SGCD: variants seen among roughly 807,000 people sequenced by gnomAD.
SGCD encodes sarcoglycan delta.
SGCD carries 18 observed loss-of-function variants against 36.6 expected under a neutral mutation model. The ratio of observed to expected loss-of-function variants is 0.49; its 90% CI spans 0.34 to 0.73. The LOEUF (loss-of-function observed/expected upper bound fraction) is 0.73. Among genes scored for constraint, SGCD ranks in the 30% least tolerant of loss-of-function variants. The probability of loss-of-function intolerance (pLI) is 0.01; values close to 1 mark genes in which losing one functional copy is unlikely to be tolerated. For synonymous variants in SGCD, 133 were observed against 130.6 expected, an observed-to-expected ratio of 1.02 and a Z score of -0.12; for missense variants, 387 against 346.7, an observed-to-expected ratio of 1.12 and a Z score of -0.92.
chr5:156,366,422 G>A (rs945534625), intron 3 of SGCD, among the ~76,000 whole-genome samples: 4 of 152,110 alleles, frequency 2.6e-5, no homozygotes, highest in Admixed American at 2.0e-4. Context: ...AAAATCAGGG[G>A]AAATCACCCA....
chr5:156,666,818 A>G (rs1410949693), intron 7 of SGCD, among the ~76,000 whole-genome samples: 1 of 152,090 alleles, frequency 6.6e-6, no homozygotes, highest in Non-Finnish European at 1.5e-5. Context: ...AACAAAATGG[A>G]GTCTCCTATG....
intron 1 of SGCD, among the ~76,000 whole-genome samples, chr5:156,099,179 C>CTT (rs771521858): frequency 7.2e-5 from 11 of 152,200 alleles, no homozygotes; most frequent in Non-Finnish European, 1.5e-4. Flanking sequence ...CTAGCCCCGT[C>CTT]TTTTTATCAC....
intron 1 of SGCD, among the ~76,000 whole-genome samples, chr5:155,910,614 T>C (rs1300654092): frequency 1.3e-5 from 2 of 152,000 alleles, no homozygotes; most frequent in African/African-American, 4.8e-5. Context: ...AATAGCAAAT[T>C]TGAGTGAGCC....
rs768796112 is a variant in SGCD at position 156,698,300 on chromosome 5, A to C, written c.575+50764A>C. Among the ~76,000 whole-genome samples, 99 of 152,338 alleles carry C rather than the reference A, an allele frequency of 6.5e-4. 1 individual carries two copies. The highest frequency in any genetic ancestry group is 3.9e-3 in the Admixed American group (60 of 15,292). ...TTATTTACAGGACCAGCAGTCTCTAAGCAGGCTAGGGGCAGATATGACATG... is the reference window on the plus strand; with the variant it reads ...TTATTTACAGGACCAGCAGTCTCTACGCAGGCTAGGGGCAGATATGACATG... On this transcript the variant is annotated intron_variant, in intron 7 of 8. Transcript: ENST00000337851.
At chr5:155,842,177 C>G in the SGCD span, among the ~76,000 whole-genome samples, 7 of 151,266 alleles carry the variant, frequency 4.6e-5, no homozygotes, top group Non-Finnish European at 8.8e-5. Flanking sequence ...AGCTATGCCT[C>G]TCTCTGGACT....
the SGCD span, among the ~76,000 whole-genome samples, chr5:155,844,421 T>TTGTGTGTGTGTG: frequency 0.032 from 4,581 of 144,504 alleles, 85 homozygotes; most frequent in South Asian, 0.057. Flanking sequence ...TGCTAAGGCT[T>TTGTGTGTGTGTG]TGTGTGTGTG....
chr5:156,638,026 A>G (rs1762894498), intron 6 of SGCD, among the ~76,000 whole-genome samples: 2 of 151,506 alleles, frequency 1.3e-5, no homozygotes, highest in South Asian at 2.1e-4. Flanking sequence ...TAATGTTTCA[A>G]TTTCTTTCAC....
At chr5:155,828,091 C>T in the SGCD span, among the ~76,000 whole-genome samples, 1 of 152,076 alleles carries the variant, frequency 6.6e-6, no homozygotes, top group Admixed American at 6.5e-5. Flanking sequence ...AGTTTCACTA[C>T]TTATTGACTT....
the SGCD span, among the ~76,000 whole-genome samples, chr5:155,807,363 G>A: frequency 6.6e-6 from 1 of 152,138 alleles, no homozygotes; most frequent in Non-Finnish European, 1.5e-5. Flanking sequence ...GCTCCTTGAA[G>A]GCAAGGGCCA....
intron 1 of SGCD, among the ~76,000 whole-genome samples, chr5:156,038,563 A>C (rs1759556048): frequency 6.6e-6 from 1 of 151,374 alleles, no homozygotes; most frequent in African/African-American, 2.5e-5. Context: ...CTTTCCTGCA[A>C]ATCTAAAATT....
At chr5:156,350,162 A>G (rs1174906881) in intron 3 of SGCD, among the ~76,000 whole-genome samples, 3 of 150,580 alleles carry the variant, frequency 2.0e-5, no homozygotes, top group African/African-American at 4.9e-5. Flanking sequence ...TGGTGGGTAC[A>G]CTAAAATTCC....
chr5:156,297,480 C>G (rs1381819442), intron 3 of SGCD, among the ~76,000 whole-genome samples: 3 of 151,774 alleles, frequency 2.0e-5, no homozygotes, highest in Non-Finnish European at 4.4e-5. Flanking sequence ...GAGTTCATGT[C>G]CTTTGTAGGG....
intron 1 of SGCD, among the ~76,000 whole-genome samples, chr5:155,917,417 C>A (rs1358942414): frequency 6.6e-6 from 1 of 152,028 alleles, no homozygotes; most frequent in Non-Finnish European, 1.5e-5. Flanking sequence ...GGGATCTGGC[C>A]TGTAGTAAGT....
chr5:156,523,694 T>G (rs549006388), intron 4 of SGCD, among the ~76,000 whole-genome samples: 96 of 152,194 alleles, frequency 6.3e-4, no homozygotes, highest in Middle Eastern at 6.8e-3. Flanking sequence ...TGTTTCGATA[T>G]TCTTACACGG....
intron 4 of SGCD, among the ~76,000 whole-genome samples, chr5:156,587,598 C>G (rs370945816): frequency 2.0e-5 from 3 of 152,186 alleles, no homozygotes; most frequent in African/African-American, 4.8e-5. Flanking sequence ...GTGCAGGTGA[C>G]TGGACTGGGC....
At chr5:156,519,855 GAAACAT>G (rs2113028043) in intron 4 of SGCD, among the ~76,000 whole-genome samples, 1 of 152,214 alleles carries the variant, frequency 6.6e-6, no homozygotes, top group African/African-American at 2.4e-5. Flanking sequence ...AGGTATTGAA[GAAACAT>G]TCCTCAAAAT....
At chr5:156,383,124 C>G (rs907580235) in intron 3 of SGCD, among the ~76,000 whole-genome samples, 2 of 152,170 alleles carry the variant, frequency 1.3e-5, no homozygotes, top group African/African-American at 2.4e-5. Flanking sequence ...AACCATAATA[C>G]TGTAATGAAA....
chr5:156,176,672 G>A (rs1763482048), intron 3 of SGCD, among the ~76,000 whole-genome samples: 1 of 152,146 alleles, frequency 6.6e-6, no homozygotes, highest in Non-Finnish European at 1.5e-5. Flanking sequence ...TTAGAAGTCT[G>A]AGTGCTTTTT....
intron 3 of SGCD, among the ~76,000 whole-genome samples, chr5:156,127,854 C>CAAAAAAAAAAAAAAAA (rs56822746): frequency 1.1e-4 from 2 of 18,440 alleles, no homozygotes; most frequent in Admixed American, 9.1e-4. Flanking sequence ...AACATAAATG[C>CAAAAAAAAAAAAAAAA]AAAAAAAAAA....
Sources: gnomAD v4.1 joint callset for allele counts (sites outside exome capture counted in the v4.1 genomes callset) on GRCh38, gnomAD v4.1.1 for gene constraint, MANE v1.5 for transcripts, NCBI Gene and HGNC (gene_info 2026-07-23, HGNC 2026-07-21) for gene names.